Variants in CACNA1C observed in about 807,000 individuals in gnomAD.
CACNA1C encodes the protein calcium voltage-gated channel subunit alpha1 C.
Under a neutral mutation model 229.0 loss-of-function variants are expected in CACNA1C, and 30 were observed. That is an observed-to-expected ratio of 0.13 (90% confidence interval 0.10 to 0.18). The LOEUF is 0.18. Among genes scored for constraint, CACNA1C ranks in the 10% least tolerant of loss-of-function variants. The pLI, the probability that CACNA1C is intolerant of heterozygous loss-of-function variation, is 1.00. For synonymous variants in CACNA1C, 1,114 were observed against 1,132.5 expected, an observed-to-expected ratio of 0.98 and a Z score of 0.33; for missense variants, 1,658 against 2,845.0, an observed-to-expected ratio of 0.58 and a Z score of 9.49.
At chr12:2,300,616 C>A (rs1416838218) in intron 3 of CACNA1C, among the ~76,000 whole-genome samples, 1 of 152,022 alleles carries the variant, frequency 6.6e-6, no homozygotes, top group Non-Finnish European at 1.5e-5. Context: ...CAGAGTGAGA[C>A]CTTCTCTAAA....
intron 1 of CACNA1C, among the ~76,000 whole-genome samples, chr12:2,025,849 A>G (rs2047230712): frequency 6.6e-6 from 1 of 152,152 alleles, no homozygotes; most frequent in African/African-American, 2.4e-5. Context: ...TTATTCATGC[A>G]TTTATCAGTT....
rs2067904604 is a variant in CACNA1C, at chr12:2,595,820, G to A, written c.2664-54G>A. The A allele has an allele frequency of 1.9e-6, 3 of 1,586,732 alleles. No individual in the cohort carries two copies. The highest frequency in any genetic ancestry group is 1.7e-6 in the Non-Finnish European group (2 of 1,162,922). On this transcript the variant is annotated intron_variant, in intron 19 of 46. Transcript: ENST00000399655. This position sits in a 1 kb window ranked among gnomAD's most constrained non-coding sequence, Gnocchi z 4.1. ...GAGGGGCTCCCAAGAGCCGACTGGT[G>A]CTTCCCCTTGTCTGCCTTGACTTGT...
intron 1 of CACNA1C, among the ~76,000 whole-genome samples, chr12:2,010,486 T>TAG (rs1345821825): frequency 1.3e-5 from 2 of 152,184 alleles, no homozygotes; most frequent in Non-Finnish European, 2.9e-5. Context: ...CTCCCTGGAC[T>TAG]AGACCTCTCT....
rs535502466 is a variant in CACNA1C at position 2,564,515 on chromosome 12, C to T, written c.1509-1907C>T. On this transcript the variant is annotated intron_variant, in intron 11 of 46. Coordinates refer to ENST00000399655, the MANE Select transcript of CACNA1C (RefSeq NM_000719.7). ...GGCAGGAGCTGTATCTTCAATGCCT[C>T]GTGGGTCTGCGTACAAGCCCTACAG... Among the ~76,000 whole-genome samples, 13 of 152,260 alleles carry T rather than the reference C, an allele frequency of 8.5e-5. No individual in the cohort carries two copies. In the South Asian group the frequency reaches 1.5e-3, roughly 17 times the overall value.
intron 1 of CACNA1C, among the ~76,000 whole-genome samples, chr12:1,993,862 T>C (rs993712023): frequency 1.3e-5 from 2 of 152,166 alleles, no homozygotes; most frequent in Non-Finnish European, 2.9e-5. Flanking sequence ...TAAGTGTTAG[T>C]CTGAAATTGA....
chr12:2,453,090 C>T (rs1352847023), intron 4 of CACNA1C, among the ~76,000 whole-genome samples: 1 of 152,080 alleles, frequency 6.6e-6, no homozygotes, highest in Admixed American at 6.5e-5. Flanking sequence ...GGCTGCAGAA[C>T]CCACTGTTGA....
At chr12:2,259,767 C>T (rs966438460) in intron 3 of CACNA1C, among the ~76,000 whole-genome samples, 8 of 152,134 alleles carry the variant, frequency 5.3e-5, no homozygotes, top group African/African-American at 1.7e-4. Flanking sequence ...GACCTGGTCT[C>T]TACTAAAAAA....
At position 2,124,691 on chromosome 12, in the gene CACNA1C, C is replaced by T. The variant is rs535595901; in HGVS notation, c.477+4261C>T. ...GAGAGGGGGCAGTGGATTTAGGAGG[C>T]AAGCTTGCCTGGACGGGTAACCAGT... On this transcript the variant is annotated intron_variant, in intron 3 of 46. Transcript: ENST00000399655. Among the ~76,000 whole-genome samples the T allele has an allele frequency of 2.6e-5, 4 of 152,240 alleles. No homozygotes were observed. In the South Asian group the frequency reaches 6.2e-4, roughly 24 times the overall value.
chr12:2,040,142 A>G (rs1284617057), intron 1 of CACNA1C, among the ~76,000 whole-genome samples: 1 of 146,772 alleles, frequency 6.8e-6, no homozygotes, highest in Non-Finnish European at 1.5e-5. Flanking sequence ...GATGGACAGC[A>G]AAACTCCATC....
intron 19 of CACNA1C, among the ~76,000 whole-genome samples, chr12:2,594,142 G>T (rs933425701): frequency 2.6e-5 from 4 of 152,192 alleles, no homozygotes; most frequent in Admixed American, 1.3e-4. Flanking sequence ...CTTTGTGGTT[G>T]TACAGATTTA....
chr12:2,299,283 C>G (rs979738034), intron 3 of CACNA1C, among the ~76,000 whole-genome samples: 3 of 152,104 alleles, frequency 2.0e-5, no homozygotes, highest in African/African-American at 7.2e-5. Flanking sequence ...GTGGTTTTTG[C>G]TTTTTTGTTT....
chr12:2,161,088 G>C lies in CACNA1C; in HGVS notation c.477+40658G>C, dbSNP rs573718472. On this transcript the variant is annotated intron_variant, in intron 3 of 46. Transcript: ENST00000399655. ...ACCCTCCTCGGCCTCCCAAAGTGTT[G>C]GGATAACAGGCGTGAGCCACCGCAC... is the stretch of plus-strand genomic sequence containing the variant. Among the ~76,000 whole-genome samples, 13 of 152,302 alleles carry C rather than the reference G, an allele frequency of 8.5e-5. 1 individual carries two copies. The South Asian group carries it at 2.7e-3, about 32-fold the overall frequency.
At chr12:2,074,159 T>C (rs1459400187) in intron 1 of CACNA1C, among the ~76,000 whole-genome samples, 1 of 7,572 alleles carries the variant, frequency 1.3e-4, no homozygotes, top group Non-Finnish European at 3.5e-4. Flanking sequence ...GTTAGGATAA[T>C]GTAGATAATG....
Position 1,995,595 on chromosome 12 carries a change from T to C in CACNA1C, c.139+24394T>C, listed in dbSNP as rs2040607049. On this transcript the variant is annotated intron_variant, in intron 1 of 46. Coordinates refer to the CACNA1C transcript ENST00000682462. Reference sequence around the variant, plus strand: ...CATTCCTTCCTTCCACCTCCCATTGTTGCCTCCACTGGAACAGACCTTCCT... The same window carrying C: ...CATTCCTTCCTTCCACCTCCCATTGCTGCCTCCACTGGAACAGACCTTCCT... Among the ~76,000 whole-genome samples, 3 of 152,196 alleles carry C rather than the reference T, an allele frequency of 2.0e-5. No homozygotes were observed. The South Asian group carries it at 6.2e-4, about 31-fold the overall frequency.
chr12:2,018,683 T>G (rs1207303302), intron 1 of CACNA1C, among the ~76,000 whole-genome samples: 1 of 152,182 alleles, frequency 6.6e-6, no homozygotes, highest in African/African-American at 2.4e-5. Context: ...TAAGCACAAC[T>G]CAACTAATTT....
At chr12:2,515,045 C>A (rs896531662) in intron 9 of CACNA1C, among the ~76,000 whole-genome samples, 19 of 152,220 alleles carry the variant, frequency 1.2e-4, no homozygotes, top group African/African-American at 4.1e-4. Context: ...AGACTGGTTT[C>A]TCTCACCTTG....
In CACNA1C at chr12:2,639,469, GCATTATGGACATAGAGAAA is replaced by G. The variant is rs1309869719; in HGVS notation, c.3912+5094_3912+5112del. On this transcript the variant is annotated intron_variant, in intron 30 of 46. Coordinates refer to ENST00000399655, the MANE Select transcript of CACNA1C (RefSeq NM_000719.7). The surrounding 1 kb of genome is among the most constrained non-coding windows in gnomAD (Gnocchi z 4.2). ...AAAGTGCTGGGCAGCCTGAATTCCTGCATTATGGACATAGAGAAACATTCCCAAGTTGTCAATGAAGAAG... is the reference window on the plus strand; with the variant it reads ...AAAGTGCTGGGCAGCCTGAATTCCTGCATTCCCAAGTTGTCAATGAAGAAG... 7.2e-5 allele frequency among the ~76,000 whole-genome samples: 11 copies of G among 152,170 alleles called. No homozygotes were observed. Among genetic ancestry groups the G allele is most frequent in the African/African-American group, 2.7e-4 (11 of 41,432 alleles).
intron 1 of CACNA1C, among the ~76,000 whole-genome samples, chr12:2,070,839 CTT>C (rs2060912203): frequency 1.3e-5 from 2 of 149,526 alleles, no homozygotes; most frequent in Admixed American, 1.3e-4. Flanking sequence ...CTTTTTTTTT[CTT>C]TCTTTCTCTC....
At chr12:2,526,910 C>G (rs900258666) in intron 9 of CACNA1C, among the ~76,000 whole-genome samples, 1 of 152,056 alleles carries the variant, frequency 6.6e-6, no homozygotes, top group Non-Finnish European at 1.5e-5. Context: ...TCTGCAGGGC[C>G]GAGCCACTGG....
Sources: gnomAD v4.1 joint callset for allele counts (sites outside exome capture counted in the v4.1 genomes callset) on GRCh38, gnomAD v4.1.1 for gene constraint, Gnocchi (gnomAD v3.1) non-coding constraint, MANE v1.5 for transcripts, NCBI Gene and HGNC (gene_info 2026-07-23, HGNC 2026-07-21) for gene names.